The following ASTN1 variants were observed in gnomAD, a reference collection of about 807,000 sequenced individuals.
ASTN1 encodes astrotactin 1.
ASTN1 carries 41 observed loss-of-function variants against 140.7 expected under a neutral mutation model. The ratio of observed to expected loss-of-function variants is 0.29; its 90% CI spans 0.23 to 0.38. The LOEUF (loss-of-function observed/expected upper bound fraction) is 0.38, where lower values mean the gene tolerates loss of function less well. ASTN1 is among the 10% of genes least tolerant of loss of function. ASTN1 has a pLI of 1.00. For missense variants in ASTN1, 1,479 were observed against 1,678.8 expected (o/e 0.88, Z 2.08); for synonymous variants, 640 against 652.2 (o/e 0.98, Z 0.29).
At chr1:176,999,638 G>A (rs900593191) in intron 8 of ASTN1, among the ~76,000 whole-genome samples, 10 of 152,148 alleles carry the variant, frequency 6.6e-5, no homozygotes, top group Admixed American at 2.0e-4. Flanking sequence ...GTGACTGAAG[G>A]TGATATGGTT....
chr1:177,096,241 A>T (rs1445354019), intron 1 of ASTN1, among the ~76,000 whole-genome samples: 1 of 152,194 alleles, frequency 6.6e-6, no homozygotes, highest in East Asian at 1.9e-4. Context: ...TGATTTAGAT[A>T]GTATTTAGAT....
At chr1:176,910,969 C>T (rs1420303283) in intron 16 of ASTN1, among the ~76,000 whole-genome samples, 2 of 152,144 alleles carry the variant, frequency 1.3e-5, no homozygotes, top group South Asian at 2.1e-4. Flanking sequence ...CCCCTCTGAC[C>T]TGTCCATGGA....
At chr1:177,146,743 T>A (rs1682736118) in intron 1 of ASTN1, among the ~76,000 whole-genome samples, 2 of 152,192 alleles carry the variant, frequency 1.3e-5, no homozygotes, top group Non-Finnish European at 2.9e-5. Flanking sequence ...TGTCAGTTGT[T>A]TTCCGAGATC....
intron 8 of ASTN1, among the ~76,000 whole-genome samples, chr1:176,987,683 C>T (rs761965795): frequency 7.2e-5 from 11 of 151,974 alleles, no homozygotes; most frequent in Non-Finnish European, 1.2e-4. Flanking sequence ...TCCTATCAGG[C>T]ATATCTTCCA....
At chr1:176,983,060 G>T (rs995827481) in intron 8 of ASTN1, among the ~76,000 whole-genome samples, 9 of 152,164 alleles carry the variant, frequency 5.9e-5, no homozygotes, top group Non-Finnish European at 1.0e-4. Flanking sequence ...TAGGAGAGCA[G>T]CTATGATGTT....
At chr1:176,919,935 A>G (rs975513633) in intron 16 of ASTN1, among the ~76,000 whole-genome samples, 6 of 152,190 alleles carry the variant, frequency 3.9e-5, no homozygotes, top group Admixed American at 3.9e-4. Context: ...ACTGGCTCTC[A>G]CATTTCACCT....
intron 1 of ASTN1, among the ~76,000 whole-genome samples, chr1:177,137,586 C>A (rs227503): frequency 1.3e-5 from 2 of 152,148 alleles, no homozygotes; most frequent in Admixed American, 1.3e-4. Flanking sequence ...GAGAGGTAAA[C>A]GCACTTGTTC....
intron 1 of ASTN1, among the ~76,000 whole-genome samples, chr1:177,142,469 G>A (rs879688419): frequency 6.6e-6 from 1 of 152,054 alleles, no homozygotes; most frequent in Non-Finnish European, 1.5e-5. Context: ...CCAGGACTTG[G>A]AAAAAGTACT....
chr1:176,996,147 A>G (rs1674428015), intron 8 of ASTN1, among the ~76,000 whole-genome samples: 1 of 152,050 alleles, frequency 6.6e-6, no homozygotes, highest in African/African-American at 2.4e-5. Flanking sequence ...GTTAAAAATT[A>G]TTTCATTCAC....
At chr1:177,032,322 G>A (rs1402207441) in intron 3 of ASTN1, 134 bp downstream of exon 3, 2 of 1,205,588 alleles carry the variant, frequency 1.7e-6, no homozygotes, top group Admixed American at 4.6e-5. Context: ...GGTTATTCTT[G>A]CCTATCTAGG....
intron 1 of ASTN1, among the ~76,000 whole-genome samples, chr1:177,143,810 G>A (rs1315568704): frequency 6.6e-6 from 1 of 151,986 alleles, no homozygotes; most frequent in East Asian, 1.9e-4. Context: ...GATACCTCAA[G>A]TATCGACTAA....
intron 7 of ASTN1, among the ~76,000 whole-genome samples, chr1:177,015,622 TG>T (rs1675506846): frequency 6.6e-6 from 1 of 152,216 alleles, no homozygotes; most frequent in African/African-American, 2.4e-5. Context: ...CATTATAATT[TG>T]TTATTCCATT....
chr1:176,896,460 C>T (rs979593117), intron 16 of ASTN1, among the ~76,000 whole-genome samples: 2 of 152,130 alleles, frequency 1.3e-5, no homozygotes, highest in African/African-American at 4.8e-5. Context: ...TGTGTGGCTA[C>T]GGGTATTTGC....
chr1:176,965,377 T>C, intron 8 of ASTN1, 140 bp from the exon 9 acceptor site: 2 of 678,508 alleles, frequency 2.9e-6, no homozygotes, highest in East Asian at 2.7e-5. Flanking sequence ...CTCACTAATA[T>C]GAGCTCACAC....
chr1:176,944,641 G>A (rs759993737), intron 13 of ASTN1, among the ~76,000 whole-genome samples: 3 of 152,188 alleles, frequency 2.0e-5, no homozygotes, highest in Admixed American at 1.3e-4. Flanking sequence ...GGAGTAAGAC[G>A]TAATGGGTAT....
intron 22 of ASTN1, among the ~76,000 whole-genome samples, chr1:176,868,158 A>G (rs1301130770): frequency 6.6e-6 from 1 of 152,222 alleles, no homozygotes. Flanking sequence ...CTTTCCAGGG[A>G]AGTCTGTTTT....
chr1:176,977,916 G>A (rs1673435487), intron 8 of ASTN1, among the ~76,000 whole-genome samples: 1 of 152,224 alleles, frequency 6.6e-6, no homozygotes, highest in Non-Finnish European at 1.5e-5. Context: ...GACTTGGGGT[G>A]ACATCCTCAT....
chr1:177,054,579 G>A (rs966944738), intron 2 of ASTN1, among the ~76,000 whole-genome samples: 7 of 152,102 alleles, frequency 4.6e-5, no homozygotes, highest in Non-Finnish European at 1.0e-4. Context: ...TTCACCTGTG[G>A]GATAACCTGA....
At chr1:176,897,073 G>A (rs577015086) in intron 16 of ASTN1, among the ~76,000 whole-genome samples, 32 of 152,114 alleles carry the variant, frequency 2.1e-4, no homozygotes, top group Non-Finnish European at 4.3e-4. Context: ...TCAAGAGTTC[G>A]AGACCAGCCT....
Sources: allele counts gnomAD v4.1 joint callset (sites outside exome capture counted in the v4.1 genomes callset), GRCh38; gene constraint gnomAD v4.1.1; transcripts MANE v1.5; gene names NCBI Gene and HGNC (gene_info 2026-07-23, HGNC 2026-07-21).